GALC: variants seen among roughly 807,000 people sequenced by gnomAD.
GALC encodes galactosylceramidase.
A neutral mutation model predicts 91.8 loss-of-function variants in GALC; 77 were observed. The observed-to-expected ratio is 0.84, with a 90% CI of 0.70 to 1.01. The LOEUF is 1.01. Among genes scored for constraint, GALC ranks in the 50% least tolerant of loss-of-function variants. The pLI is 0.00. For missense variants in GALC, 882 were observed against 855.9 expected (o/e 1.03, Z -0.38); for synonymous variants, 357 against 306.7 (o/e 1.16, Z -1.71).
At chr14:87,939,026 A>G (rs935874570) in intron 16 of GALC, among the ~76,000 whole-genome samples, 1 of 151,922 alleles carries the variant, frequency 6.6e-6, no homozygotes, top group African/African-American at 2.4e-5. Flanking sequence ...TAAACATTAG[A>G]TGTGCAAGCT....
chr14:87,963,186 AC>A, intron 10 of GALC, 197 bp downstream of exon 10: 1 of 549,692 alleles, frequency 1.8e-6, no homozygotes, highest in Non-Finnish European at 3.2e-6. Flanking sequence ...ATGAGAGCCA[AC>A]TATTTTGTAC....
At chr14:87,961,653 G>A (rs567156870) in intron 10 of GALC, among the ~76,000 whole-genome samples, 30 of 152,234 alleles carry the variant, frequency 2.0e-4, no homozygotes, top group South Asian at 8.3e-4. Flanking sequence ...TCTGAAGCAG[G>A]TCATAAGACC....
In GALC at chr14:87,941,603, T is replaced by C. The variant is rs766646367; in HGVS notation, c.1671-45A>G. 5 of 1,258,852 alleles carry C rather than the reference T, an allele frequency of 4.0e-6. No homozygotes were observed. The Admixed American group carries it at 8.4e-5, about 21-fold the overall frequency. 78.0% of individuals were successfully genotyped at this position (1,258,852 alleles called of 1,614,324 possible). A position where few individuals can be genotyped will look rare whatever the true frequency, so the allele number is the denominator to read the frequency against. ...ATTAGTACTCTTTAAAATATGCCCTTTGTAACATAGTACAGATATGTCATT... is the reference window on the plus strand; with the variant it reads ...ATTAGTACTCTTTAAAATATGCCCTCTGTAACATAGTACAGATATGTCATT... On this transcript the variant is annotated intron_variant, in intron 14 of 16. Coordinates refer to ENST00000261304, the MANE Select transcript of GALC (RefSeq NM_000153.4).
At chr14:87,970,110 A>C (rs191537921) in intron 7 of GALC, among the ~76,000 whole-genome samples, 34 of 152,288 alleles carry the variant, frequency 2.2e-4, no homozygotes, top group Non-Finnish European at 3.5e-4. Flanking sequence ...ATTACACTTT[A>C]GATTTATTCT....
upstream of GALC, chr14:87,993,351 G>C (rs754312774): frequency 1.3e-6 from 2 of 1,535,494 alleles, no homozygotes; most frequent in South Asian, 2.4e-5. Context: ...TCGCGTGTCT[G>C]TGGTCAGCTA....
chr14:87,972,922 T>C (rs1886355482), intron 7 of GALC, among the ~76,000 whole-genome samples: 2 of 152,052 alleles, frequency 1.3e-5, no homozygotes, highest in Non-Finnish European at 2.9e-5. Flanking sequence ...TACTTAAATA[T>C]AGACATTAAG....
At chr14:87,940,078 A>C in intron 15 of GALC, 97 bp from the exon 16 acceptor site, 2 of 942,784 alleles carry the variant, frequency 2.1e-6, no homozygotes, top group South Asian at 2.6e-5. Context: ...ATCTGTATGT[A>C]GTAAAGTCAG....
chr14:87,953,877 C>A (rs1885410187), intron 10 of GALC: 31 of 1,610,014 alleles, frequency 1.9e-5, no homozygotes, highest in Non-Finnish European at 1.7e-6. Context: ...AAAATTCGGA[C>A]CAAATTCTGG....
In GALC at chr14:87,934,053, CA is replaced by C; in HGVS notation, c.*678del. The C allele has an allele frequency of 6.5e-7, 1 of 1,531,566 alleles. No homozygotes were observed. Among genetic ancestry groups the C allele is most frequent in the Non-Finnish European group, 8.7e-7 (1 of 1,144,208 alleles). 94.9% of individuals were successfully genotyped at this position (1,531,566 alleles called of 1,614,324 possible). On this transcript the variant is annotated 3_prime_UTR_variant, in exon 17 of 17. Transcript: ENST00000261304. ...TGGTTACAAGACCAAAACTTGGAAT[CA>C]AAAAAATTAAATAATGCAAATAACC...
intron 6 of GALC, among the ~76,000 whole-genome samples, chr14:87,980,171 A>AAGAATTCAAGACC (rs1265515100): frequency 2.0e-4 from 31 of 152,144 alleles, no homozygotes; most frequent in Non-Finnish European, 7.4e-5. Context: ...TCACAAGGTC[A>AAGAATTCAAGACC]AGAATTCAAG....
Position 87,954,341 on chromosome 14 carries a change from G to A in GALC, c.1162-3593C>T, listed in dbSNP as rs139166345. The A allele has an allele frequency of 2.7e-4, 427 of 1,601,486 alleles. 2 individuals are homozygous for A. In the African/African-American group the frequency reaches 5.3e-3, roughly 20 times the overall value. On this transcript the variant is annotated intron_variant, in intron 10 of 16. Transcript: ENST00000261304. ...AGGCAGTATACAGTTATAGAGGACA[G>A]AAGCAGAAAAAGTTATGTTAACAGT...
intron 16 of GALC, among the ~76,000 whole-genome samples, chr14:87,938,289 G>C (rs1884676987): frequency 6.6e-6 from 1 of 151,870 alleles, no homozygotes; most frequent in Non-Finnish European, 1.5e-5. Context: ...TGTCAGCTTG[G>C]GATAAAACTT....
At position 87,992,384 on chromosome 14, in the gene GALC, A is replaced by G. The variant is rs935418170; in HGVS notation, c.195+586T>C. The G allele has an allele frequency of 2.0e-6, 3 of 1,535,532 alleles. No individual in the cohort carries two copies. The African/African-American group carries it at 4.1e-5, about 21-fold the overall frequency. On this transcript the variant is annotated intron_variant, in intron 1 of 16. Coordinates refer to ENST00000261304, the MANE Select transcript of GALC (RefSeq NM_000153.4). ...AGGCCGCTCGCTTATCTTCCTTTTAAAGAGACCTTGAGGCACCAGTCCTGC... is the reference window on the plus strand; with the variant it reads ...AGGCCGCTCGCTTATCTTCCTTTTAGAGAGACCTTGAGGCACCAGTCCTGC...
Position 87,993,043 on chromosome 14 carries a change from C to G in GALC, c.122G>C (p.Gly41Ala), listed in dbSNP as rs1287272360. Residue 41 changes from glycine (G) to alanine (A), a missense_variant, in exon 1 of 17, where the codon GGC (glycine) becomes GCC (alanine). Coordinates refer to ENST00000261304, the MANE Select transcript of GALC (RefSeq NM_000153.4). ...LLLCALLAPG[G>A]AYVLDDSDGL... ...GTCGGAGTCGTCGAGCACGTACGCG[C>G]CGCCGGGCGCCAGCAGCGCACACAG... 7.7e-6 allele frequency: 12 copies of G among 1,556,016 alleles called. No homozygotes were observed. The highest frequency in any genetic ancestry group is 2.0e-4 in the Middle Eastern group (1 of 5,044).
intron 7 of GALC, among the ~76,000 whole-genome samples, chr14:87,974,338 TAA>T (rs1886409778): frequency 6.6e-6 from 1 of 152,170 alleles, no homozygotes; most frequent in Non-Finnish European, 1.5e-5. Context: ...CAAGAAGCTT[TAA>T]ACGAGACAAA....
At chr14:87,953,477 C>T in intron 10 of GALC, 1 of 1,584,680 alleles carries the variant, frequency 6.3e-7, no homozygotes, top group South Asian at 1.1e-5. Context: ...CACATAAACT[C>T]TGACAAAGGT....
intron 6 of GALC, among the ~76,000 whole-genome samples, chr14:87,979,115 C>T (rs550485430): frequency 2.8e-4 from 42 of 152,232 alleles, no homozygotes; most frequent in Non-Finnish European, 4.4e-4. Context: ...ACCTCTGCCT[C>T]CCAGGTTCAA....
chr14:87,982,246 G>T lies in GALC; in HGVS notation c.583-3C>A. 3 of 1,576,494 alleles carry T rather than the reference G, an allele frequency of 1.9e-6. No individual in the cohort carries two copies. The highest frequency in any genetic ancestry group is 2.2e-5 in the South Asian group (2 of 89,978). ...TTATATGACCTCTCATTCCAAATCT[G>T]CAAAACAAAAAGTCAAAAAAGTCTG... is the stretch of plus-strand genomic sequence containing the variant. On this transcript the variant is annotated splice_polypyrimidine_tract_variant and splice_region_variant and intron_variant, in intron 5 of 16. Coordinates refer to ENST00000261304, the MANE Select transcript of GALC (RefSeq NM_000153.4).
chr14:87,947,614 T>C, intron 13 of GALC, 114 bp downstream of exon 13: 1 of 983,140 alleles, frequency 1.0e-6, no homozygotes, highest in Non-Finnish European at 1.6e-6. Flanking sequence ...ATGTAGGAGG[T>C]AAATGAATGT....
Sources: gnomAD v4.1 joint callset for allele counts (sites outside exome capture counted in the v4.1 genomes callset) on GRCh38, gnomAD v4.1.1 for gene constraint, MANE v1.5 for transcripts, NCBI Gene and HGNC (gene_info 2026-07-23, HGNC 2026-07-21) for gene names.